ARMH1: variants seen among roughly 807,000 people sequenced by gnomAD.
ARMH1 encodes the protein armadillo-like helical domain containing protein 1.
In ARMH1, 34 loss-of-function variants were observed where a neutral mutation model predicts 50.2. The ratio of observed to expected loss-of-function variants is 0.68; its 90% CI spans 0.51 to 0.90. The LOEUF (loss-of-function observed/expected upper bound fraction) is 0.90, where lower values mean the gene tolerates loss of function less well. Among genes scored for constraint, ARMH1 ranks in the 40% least tolerant of loss-of-function variants. ARMH1 has a pLI of 0.00. For synonymous variants in ARMH1, 221 were observed against 224.2 expected (o/e 0.99, Z 0.13); for missense variants, 538 against 553.9 (o/e 0.97, Z 0.29).
At chr1:44,709,312 G>A (rs1440465534) in intron 6 of ARMH1, among the ~76,000 whole-genome samples, 3 of 151,586 alleles carry the variant, frequency 2.0e-5, no homozygotes, top group Non-Finnish European at 4.4e-5. Flanking sequence ...TTCCCATGTG[G>A]ATGTCTAACA....
intron 6 of ARMH1, 22 bp downstream of exon 6, chr1:44,704,195 G>C: frequency 6.5e-7 from 1 of 1,531,956 alleles, no homozygotes; most frequent in Non-Finnish European, 8.9e-7. Context: ...CCAGATTGCA[G>C]AAGGGGGCAC....
intron 4 of ARMH1, among the ~76,000 whole-genome samples, chr1:44,700,442 C>G (rs1190193985): frequency 6.6e-6 from 1 of 151,782 alleles, no homozygotes; most frequent in Non-Finnish European, 1.5e-5. Context: ...ACTGTGAAAC[C>G]CTGTCTCTAT....
Position 44,725,455 on chromosome 1 carries a change from G to T in ARMH1, c.*52G>T. On this transcript the variant is annotated 3_prime_UTR_variant, in exon 12 of 12. Coordinates refer to ENST00000535358, the MANE Select transcript of ARMH1 (RefSeq NM_001145636.2). ...CAAGGCTGCGGGGCAGGGAAGCCTG[G>T]CAAGAGGAAGGCGCCTGGGGTCAAG... 1 of 1,534,126 alleles carries T rather than the reference G, an allele frequency of 6.5e-7. No homozygotes were observed. The highest frequency in any genetic ancestry group is 1.2e-5 in the South Asian group (1 of 83,516).
chr1:44,718,090 T>G (rs1182054123), intron 6 of ARMH1, among the ~76,000 whole-genome samples: 1 of 152,254 alleles, frequency 6.6e-6, no homozygotes. Context: ...ATTTGTCTCC[T>G]GGAGTATTTG....
rs1319698383 is a variant in ARMH1, at chr1:44,682,298, G to A, written c.-22-7378G>A. The stretch of plus-strand genomic sequence containing the variant: ...TAGTGGCTCTTGAGTAAACAGGAAG[G>A]CTTACGTGTCAAAGTCATTGATCGG... On this transcript the variant is annotated intron_variant, in intron 1 of 11. Coordinates refer to ENST00000535358, the MANE Select transcript of ARMH1 (RefSeq NM_001145636.2). The surrounding 1 kb of genome is among the most constrained non-coding windows in gnomAD (Gnocchi z 4.5). Among the ~76,000 whole-genome samples, 4 of 152,204 alleles carry A rather than the reference G, an allele frequency of 2.6e-5. No individual in the cohort carries two copies. The highest frequency in any genetic ancestry group is 5.9e-5 in the Non-Finnish European group (4 of 68,030).
At chr1:44,723,293 G>C (rs1049447635) in intron 6 of ARMH1, among the ~76,000 whole-genome samples, 3 of 152,136 alleles carry the variant, frequency 2.0e-5, no homozygotes, top group Admixed American at 2.0e-4. Flanking sequence ...AAGGAGGGTT[G>C]GTCGAATGAA....
chr1:44,698,042 C>CT (rs1238993741), intron 3 of ARMH1, 21 bp from the exon 4 acceptor site: 5 of 1,506,206 alleles, frequency 3.3e-6, no homozygotes, highest in African/African-American at 1.4e-5. Context: ...TTTATTTCTA[C>CT]TTTTCTATCC....
rs922301788 is a variant in ARMH1 at position 44,682,449 on chromosome 1, C to A, written c.-22-7227C>A. On this transcript the variant is annotated intron_variant, in intron 1 of 11. Transcript: ENST00000535358. The surrounding 1 kb of genome is among the most constrained non-coding windows in gnomAD (Gnocchi z 4.5). ...TGTAGGATAGTGGGCAGCCCCCTTCCTGATTTAGAAGCAGCAGCAGCATGG... is the reference window on the plus strand; with the variant it reads ...TGTAGGATAGTGGGCAGCCCCCTTCATGATTTAGAAGCAGCAGCAGCATGG... 6.6e-6 allele frequency among the ~76,000 whole-genome samples: 1 copy of A among 152,062 alleles called. No individual in the cohort carries two copies. Among genetic ancestry groups the A allele is most frequent in the African/African-American group, 2.4e-5 (1 of 41,384 alleles).
At chr1:44,705,336 C>CA (rs1421003883) in intron 6 of ARMH1, among the ~76,000 whole-genome samples, 3 of 151,834 alleles carry the variant, frequency 2.0e-5, no homozygotes, top group Non-Finnish European at 2.9e-5. Flanking sequence ...ACTAAGAATA[C>CA]AAAAAAATTA....
rs936653341 is a variant in ARMH1 at position 44,697,117 on chromosome 1, A to G, written c.222A>G (p.Ser74=). 1.3e-6 allele frequency: 2 copies of G among 1,552,012 alleles called. No individual in the cohort carries two copies. The highest frequency in any genetic ancestry group is 2.0e-5 in the Admixed American group (1 of 51,008). Residue 74 remains serine, a synonymous_variant, in exon 3 of 12, where the codon TCA becomes TCG. Transcript: ENST00000535358. ...TGTCATACAGCTATATGACTGACTC[A>G]TGTTTAGAAAAGCTTCTCAGGTCCA... ...TSLRITYMTD[S]CLEKLLRSIG... is the part of the protein sequence containing the mutation.
At chr1:44,687,672 G>A (rs914198254) in intron 1 of ARMH1, among the ~76,000 whole-genome samples, 7 of 152,110 alleles carry the variant, frequency 4.6e-5, no homozygotes, top group African/African-American at 1.7e-4. Context: ...CTCCTCCAGC[G>A]CCCTGCAGCA....
rs774296293 is a variant in ARMH1 at position 44,724,195 on chromosome 1, G to A, written c.798G>A (p.Leu266=). ...TGCTCAAGGGCCTCGTGGCGCTGCT[G>A]ATACCGTCGGTCAAGGAGATCTCCA... is the stretch of plus-strand genomic sequence containing the variant. ...QALLKGLVAL[L]IPSVKEISKL... Residue 266 remains leucine (L), a synonymous_variant, in exon 7 of 12, where the codon CTG becomes CTA. Transcript: ENST00000535358. The surrounding 1 kb of genome is among the most constrained non-coding windows in gnomAD (Gnocchi z 6.4). 12 of 1,551,738 alleles carry A rather than the reference G, an allele frequency of 7.7e-6. No individual in the cohort carries two copies. Among genetic ancestry groups the A allele is most frequent in the Middle Eastern group, 1.7e-4 (1 of 5,992 alleles).
At chr1:44,711,931 A>T (rs985223660) in intron 6 of ARMH1, among the ~76,000 whole-genome samples, 1 of 152,220 alleles carries the variant, frequency 6.6e-6, no homozygotes, top group African/African-American at 2.4e-5. Context: ...TGAGGCACAA[A>T]GCAATTAAAT....
At chr1:44,697,917 T>G in intron 3 of ARMH1, 146 bp from the exon 4 acceptor site, 1 of 552,832 alleles carries the variant, frequency 1.8e-6, no homozygotes, top group African/African-American at 1.9e-5. Flanking sequence ...AAGGAAGAAT[T>G]TCCACACTCG....
At chr1:44,696,014 C>T (rs1645817210) in intron 2 of ARMH1, among the ~76,000 whole-genome samples, 1 of 151,236 alleles carries the variant, frequency 6.6e-6, no homozygotes, top group African/African-American at 2.4e-5. Context: ...AGTTGGCCAG[C>T]CTAGCCTGAA....
intron 6 of ARMH1, chr1:44,723,907 G>A (rs370624862): frequency 1.3e-5 from 7 of 548,660 alleles, no homozygotes; most frequent in South Asian, 1.1e-4. Context: ...GCCTCGACAG[G>A]TGGGCTCACC....
At position 44,683,392 on chromosome 1, in the gene ARMH1, C is replaced by A. The variant is rs754969811; in HGVS notation, c.-22-6284C>A. 6.6e-6 allele frequency among the ~76,000 whole-genome samples: 1 copy of A among 152,112 alleles called. No homozygotes were observed. Among genetic ancestry groups the A allele is most frequent in the African/African-American group, 2.4e-5 (1 of 41,408 alleles). On this transcript the variant is annotated intron_variant, in intron 1 of 11. Coordinates refer to ENST00000535358, the MANE Select transcript of ARMH1 (RefSeq NM_001145636.2). The surrounding 1 kb of genome is among the most constrained non-coding windows in gnomAD (Gnocchi z 4.2). ...TGAGGAGACGGATTTGAGAGTCGTG[C>A]GCCTATAAATGTAATTTGAAGTGAT...
intron 6 of ARMH1, among the ~76,000 whole-genome samples, chr1:44,722,216 GAGCACA>G (rs975138744): frequency 6.6e-6 from 1 of 152,056 alleles, no homozygotes; most frequent in African/African-American, 2.4e-5. Context: ...GAGCTGGGGA[GAGCACA>G]TGGCCAAGTC....
chr1:44,686,184 G>A (rs1645466373), intron 1 of ARMH1, among the ~76,000 whole-genome samples: 1 of 152,142 alleles, frequency 6.6e-6, no homozygotes, highest in Admixed American at 6.5e-5. Context: ...CCAGGGAAAA[G>A]ATGGAATTAA....
Sources: gnomAD v4.1 joint callset for allele counts (sites outside exome capture counted in the v4.1 genomes callset) on GRCh38, gnomAD v4.1.1 for gene constraint, Gnocchi (gnomAD v3.1) non-coding constraint, MANE v1.5 for transcripts, NCBI Gene and HGNC (gene_info 2026-07-23, HGNC 2026-07-21) for gene names.